The following ADGB variants were observed in gnomAD, a reference collection of about 807,000 sequenced individuals.
ADGB encodes calpain-7-like protein.
In ADGB, 172 loss-of-function variants were observed where a neutral mutation model predicts 210.5. The observed-to-expected ratio is 0.82, with a 90% CI of 0.72 to 0.93. ADGB has a LOEUF of 0.93. Ranked by LOEUF, ADGB falls within the 40% of genes least tolerant of loss-of-function variation. The probability of loss-of-function intolerance (pLI) is 0.00; values close to 1 mark genes in which losing one functional copy is unlikely to be tolerated. For synonymous variants in ADGB, 658 were observed against 662.7 expected (o/e 0.99, Z 0.11); for missense variants, 2,025 against 1,964.8 (o/e 1.03, Z -0.58).
At chr6:146,708,702 T>G (rs1776613771) in intron 13 of ADGB, among the ~76,000 whole-genome samples, 1 of 152,142 alleles carries the variant, frequency 6.6e-6, no homozygotes, top group Non-Finnish European at 1.5e-5. Flanking sequence ...TTGGATTAAA[T>G]CTGATTTTGA....
Position 146,782,010 on chromosome 6 carries a change from G to A in ADGB, c.3863-10G>A. ...ATGACTCACCATTTTTTATTTTTAT[G>A]TCTCTCTAGCTTATGGTGAAAGACA... On this transcript the variant is annotated splice_polypyrimidine_tract_variant and intron_variant, in intron 29 of 35. Coordinates refer to ENST00000397944, the MANE Select transcript of ADGB (RefSeq NM_024694.4). 3 of 1,435,666 alleles carry A rather than the reference G, an allele frequency of 2.1e-6. No homozygotes were observed. The highest frequency in any genetic ancestry group is 2.7e-6 in the Non-Finnish European group (3 of 1,096,494). The allele number at this position is 1,435,666 out of a possible 1,614,324, so 88.9% of individuals were successfully genotyped here. A position where few individuals can be genotyped will look rare whatever the true frequency, so the allele number is the denominator to read the frequency against.
At chr6:146,707,306 C>T (rs565021148) in intron 13 of ADGB, among the ~76,000 whole-genome samples, 13 of 152,100 alleles carry the variant, frequency 8.5e-5, no homozygotes, top group Non-Finnish European at 1.8e-4. Context: ...AATGTGTATT[C>T]CACTGCTGCT....
intron 27 of ADGB, among the ~76,000 whole-genome samples, chr6:146,758,949 G>C (rs1201706969): frequency 1.3e-5 from 2 of 151,836 alleles, no homozygotes; most frequent in African/African-American, 4.8e-5. Flanking sequence ...TTCAAACAGG[G>C]TGTTGTTTTT....
chr6:146,662,398 C>A (rs1480913458), intron 5 of ADGB, among the ~76,000 whole-genome samples: 2 of 152,098 alleles, frequency 1.3e-5, no homozygotes, highest in African/African-American at 4.8e-5. Flanking sequence ...ATGCTATCTG[C>A]ATTCTGCTAT....
chr6:146,601,383 C>T lies in ADGB; in HGVS notation c.74+2269C>T, dbSNP rs79187782. 5.2e-3 allele frequency among the ~76,000 whole-genome samples: 786 copies of T among 152,198 alleles called. 9 individuals carry two copies. The highest frequency in any genetic ancestry group is 0.018 in the African/African-American group (733 of 41,510). On this transcript the variant is annotated intron_variant, in intron 1 of 35. Coordinates refer to ENST00000397944, the MANE Select transcript of ADGB (RefSeq NM_024694.4). Reference sequence around the variant, plus strand: ...TTGTTAGAGACTATTGAGCATCAAACACCAAATCATTAGATTTTTCTGCAA... The same window carrying T: ...TTGTTAGAGACTATTGAGCATCAAATACCAAATCATTAGATTTTTCTGCAA...
chr6:146,650,511 G>A (rs1775685197), intron 3 of ADGB, among the ~76,000 whole-genome samples: 1 of 140,576 alleles, frequency 7.1e-6, no homozygotes, highest in South Asian at 2.2e-4. Context: ...GGAGTCCCAG[G>A]TAAACTAGAA....
chr6:146,612,090 T>C (rs1223382768), intron 1 of ADGB, among the ~76,000 whole-genome samples: 1 of 152,090 alleles, frequency 6.6e-6, no homozygotes, highest in Non-Finnish European at 1.5e-5. Flanking sequence ...CAGGGAAACA[T>C]AAGGCACTGC....
At chr6:146,600,926 G>GCACACACACA (rs35082520) in intron 1 of ADGB, among the ~76,000 whole-genome samples, 62 of 144,444 alleles carry the variant, frequency 4.3e-4, no homozygotes, top group Admixed American at 3.3e-3. Context: ...TCCCCCATGC[G>GCACACACACA]CACACACACA....
chr6:146,662,682 T>C (rs1775879239), intron 5 of ADGB, among the ~76,000 whole-genome samples: 1 of 151,912 alleles, frequency 6.6e-6, no homozygotes, highest in South Asian at 2.1e-4. Context: ...TGATAGGTAA[T>C]TTTATACAGT....
chr6:146,807,478 A>G (rs563758316), intron 35 of ADGB: 51 of 1,551,580 alleles, frequency 3.3e-5, no homozygotes, highest in African/African-American at 2.3e-4. Context: ...GAAGCTGAGC[A>G]CCTAAAGCTG....
chr6:146,725,969 C>A, intron 18 of ADGB, 114 bp from the exon 19 acceptor site: 1 of 589,650 alleles, frequency 1.7e-6, no homozygotes, highest in Admixed American at 2.8e-5. Flanking sequence ...AAAAATTGAA[C>A]TCTTCCCTAA....
chr6:146,697,985 C>T (rs533250998), intron 12 of ADGB, among the ~76,000 whole-genome samples: 32 of 152,192 alleles, frequency 2.1e-4, no homozygotes, highest in Non-Finnish European at 2.6e-4. Context: ...ACACAAATTA[C>T]GTGGTTAGTT....
chr6:146,623,449 T>C (rs1287177830), intron 1 of ADGB, among the ~76,000 whole-genome samples: 1 of 151,940 alleles, frequency 6.6e-6, no homozygotes, highest in Admixed American at 6.6e-5. Flanking sequence ...GGATCTCTTA[T>C]CTTTATATTA....
Position 146,733,127 on chromosome 6 carries a change from ATC to A in ADGB, c.2530_2531del (p.Leu844PhefsTer48). On this transcript the variant is annotated frameshift_variant, in exon 21 of 36. Coordinates refer to ENST00000397944, the MANE Select transcript of ADGB (RefSeq NM_024694.4). LOFTEE classifies it high-confidence loss of function. ...AAAATTTATGTGTTTCAGGTTTTTC[ATC>A]TTTCCTTATGGCGTTTAATGAAAAA... The A allele has an allele frequency of 1.3e-6, 2 of 1,516,946 alleles. No individual in the cohort carries two copies. The highest frequency in any genetic ancestry group is 1.8e-6 in the Non-Finnish European group (2 of 1,130,666). 94.0% of individuals were successfully genotyped at this position (1,516,946 alleles called of 1,614,324 possible).
At chr6:146,736,798 C>T (rs1476177848) in intron 23 of ADGB, among the ~76,000 whole-genome samples, 1 of 152,098 alleles carries the variant, frequency 6.6e-6, no homozygotes, top group Admixed American at 6.6e-5. Context: ...AACTAAAATT[C>T]TAAGCAGAAA....
chr6:146,605,519 T>C (rs1349751311), intron 1 of ADGB, among the ~76,000 whole-genome samples: 2 of 152,168 alleles, frequency 1.3e-5, no homozygotes, highest in Non-Finnish European at 2.9e-5. Flanking sequence ...GGCCTGAATA[T>C]ATATTTTATA....
chr6:146,727,257 C>T (rs906702405), intron 19 of ADGB, among the ~76,000 whole-genome samples: 15 of 146,666 alleles, frequency 1.0e-4, no homozygotes, highest in African/African-American at 3.4e-4. Flanking sequence ...TCGTGGCAAG[C>T]AGATTGCCCC....
intron 27 of ADGB, among the ~76,000 whole-genome samples, chr6:146,759,498 C>T (rs1243076184): frequency 1.3e-5 from 2 of 151,270 alleles, no homozygotes; most frequent in African/African-American, 4.8e-5. Flanking sequence ...TATGAGGAAG[C>T]CCTATAGGCT....
intron 1 of ADGB, among the ~76,000 whole-genome samples, chr6:146,599,677 A>G (rs540699159): frequency 2.6e-4 from 39 of 152,138 alleles, no homozygotes; most frequent in African/African-American, 9.2e-4. Flanking sequence ...AAGTAAACAG[A>G]CCCTCGCTCA....
Sources: allele counts gnomAD v4.1 joint callset (sites outside exome capture counted in the v4.1 genomes callset), GRCh38; gene constraint gnomAD v4.1.1; transcripts MANE v1.5; gene names NCBI Gene and HGNC (gene_info 2026-07-23, HGNC 2026-07-21).